Variants in COL27A1 observed in about 807,000 individuals in gnomAD.
COL27A1 encodes the protein collagen alpha-1(XXVII) chain.
Under a neutral mutation model 251.3 loss-of-function variants are expected in COL27A1, and 106 were observed. The ratio of observed to expected loss-of-function variants is 0.42; its 90% CI spans 0.36 to 0.50. COL27A1 has a LOEUF of 0.50. COL27A1 is among the 20% of genes least tolerant of loss of function. COL27A1 has a pLI of 0.00. For synonymous variants in COL27A1, 1,000 were observed against 986.3 expected (o/e 1.01, Z -0.26); for missense variants, 2,325 against 2,522.8 (o/e 0.92, Z 1.68).
At chr9:114,162,038 C>T (rs558661042) in intron 1 of COL27A1, among the ~76,000 whole-genome samples, 21 of 152,344 alleles carry the variant, frequency 1.4e-4, no homozygotes, top group African/African-American at 4.6e-4. Flanking sequence ...CGGGGTCATA[C>T]AGCTGATAAG....
intron 1 of COL27A1, among the ~76,000 whole-genome samples, chr9:114,158,532 T>A (rs543975487): frequency 6.6e-6 from 1 of 152,350 alleles, no homozygotes; most frequent in Non-Finnish European, 1.5e-5. Flanking sequence ...CTGGCCTCCC[T>A]GGCCTCTGTG....
chr9:114,166,274 C>CCATCCAT (rs374157243), intron 2 of COL27A1, among the ~76,000 whole-genome samples: 1,399 of 126,944 alleles, frequency 0.011, 19 homozygotes, highest in African/African-American at 0.025. Flanking sequence ...CATCCATCCA[C>CCATCCAT]CCATCCATCC....
At chr9:114,206,945 G>A (rs888393074) in intron 10 of COL27A1, among the ~76,000 whole-genome samples, 3 of 152,256 alleles carry the variant, frequency 2.0e-5, no homozygotes, top group African/African-American at 7.2e-5. Context: ...AGGGTTCTGG[G>A]TGGACCGAAT....
intron 5 of COL27A1, among the ~76,000 whole-genome samples, chr9:114,188,659 T>C (rs1828549095): frequency 6.6e-6 from 1 of 152,202 alleles, no homozygotes; most frequent in Non-Finnish European, 1.5e-5. Context: ...TATATACAAA[T>C]GATTTATAAT....
rs919174254 is a variant in COL27A1 at position 114,267,519 on chromosome 9, G to T, written c.3463G>T (p.Val1155Leu). 2 of 1,599,182 alleles carry T rather than the reference G, an allele frequency of 1.3e-6. No homozygotes were observed. Among genetic ancestry groups the T allele is most frequent in the Non-Finnish European group, 1.7e-6 (2 of 1,175,334 alleles). Residue 1155 changes from valine (V) to leucine (L), a missense_variant, in exon 34 of 61, where the codon GTG becomes TTG. This residue lies in a region of COL27A1 where 662 missense variants were observed against 795.3 expected (regional missense o/e 0.83). Coordinates refer to ENST00000356083, the MANE Select transcript of COL27A1 (RefSeq NM_032888.4). ...EMGPKGPPGA[V>L]GEPGLPGEAG... ...TTTCTTTCAGGGGCCGCCTGGTGCA[G>T]TGGGAGAACCGGGCCTTCCTGGGGA... is the stretch of plus-strand genomic sequence containing the variant.
intron 27 of COL27A1, among the ~76,000 whole-genome samples, chr9:114,253,955 C>T (rs758507218): frequency 2.0e-5 from 3 of 152,264 alleles, no homozygotes; most frequent in South Asian, 4.1e-4. Context: ...AAGAGATTCT[C>T]GTGCCTCAGC....
chr9:114,300,755 T>C, intron 51 of COL27A1, 68 bp downstream of exon 51: 1 of 1,318,134 alleles, frequency 7.6e-7, no homozygotes. Flanking sequence ...AGCCATCAGC[T>C]GGCCTGTCTT....
At chr9:114,176,769 CCTT>C (rs1344563166) in intron 3 of COL27A1, among the ~76,000 whole-genome samples, 1 of 152,210 alleles carries the variant, frequency 6.6e-6, no homozygotes, top group African/African-American at 2.4e-5. Context: ...AGACCCTCCT[CCTT>C]CTGCTCAGGG....
intron 41 of COL27A1, among the ~76,000 whole-genome samples, chr9:114,287,151 CCA>C (rs1254675928): frequency 6.6e-6 from 1 of 152,194 alleles, no homozygotes; most frequent in East Asian, 1.9e-4. Flanking sequence ...CAGCCTCCAC[CCA>C]CCAGAACCAC....
chr9:114,253,372 C>T (rs58922150), intron 27 of COL27A1, among the ~76,000 whole-genome samples: 3 of 136,912 alleles, frequency 2.2e-5, no homozygotes, highest in Admixed American at 7.9e-5. Context: ...GAAAGAAAGA[C>T]GAAAGAAAGA....
At chr9:114,228,582 C>T (rs1206285477) in intron 14 of COL27A1, among the ~76,000 whole-genome samples, 1 of 152,208 alleles carries the variant, frequency 6.6e-6, no homozygotes, top group African/African-American at 2.4e-5. Context: ...CCAGCGGTGC[C>T]CCGACTCCGT....
At chr9:114,223,375 G>T (rs1219301568) in intron 14 of COL27A1, among the ~76,000 whole-genome samples, 1 of 152,220 alleles carries the variant, frequency 6.6e-6, no homozygotes, top group Admixed American at 6.5e-5. Flanking sequence ...CCTGAGGGAG[G>T]CAGGGAACCC....
Position 114,278,627 on chromosome 9 carries a change from G to A in COL27A1, c.3717+2859G>A, listed in dbSNP as rs1027421698. Among the ~76,000 whole-genome samples the A allele has an allele frequency of 1.0e-4, 15 of 150,162 alleles. No individual in the cohort carries two copies. In the East Asian group the frequency reaches 2.9e-3, roughly 29 times the overall value. The stretch of plus-strand genomic sequence containing the variant: ...GTGATGATGATGATATGGTGGTATG[G>A]CGTAGGTAGTGGTGATGATGATGGT... On this transcript the variant is annotated intron_variant, in intron 37 of 60. Transcript: ENST00000356083.
intron 48 of COL27A1, among the ~76,000 whole-genome samples, chr9:114,291,419 C>T (rs746263625): frequency 2.6e-5 from 4 of 152,082 alleles, no homozygotes; most frequent in African/African-American, 4.8e-5. Context: ...GCGGAGGGAG[C>T]GATGGCCTTG....
chr9:114,202,793 A>G (rs1464479479), intron 7 of COL27A1, among the ~76,000 whole-genome samples: 1 of 151,722 alleles, frequency 6.6e-6, no homozygotes, highest in Non-Finnish European at 1.5e-5. Flanking sequence ...TGTTCATCCC[A>G]TTCATCTCCT....
chr9:114,294,247 CA>C (rs58536000), intron 49 of COL27A1, among the ~76,000 whole-genome samples: 5,394 of 84,282 alleles, frequency 0.064, 68 homozygotes, highest in Non-Finnish European at 0.084. Flanking sequence ...GACTCTGTCT[CA>C]AAAAAAAAAA....
chr9:114,243,451 C>T, intron 22 of COL27A1, 56 bp from the exon 23 acceptor site: 4 of 1,498,040 alleles, frequency 2.7e-6, no homozygotes, highest in Non-Finnish European at 2.8e-6. Context: ...AGCCCCTGGA[C>T]CCCAGCCATG....
chr9:114,194,297 TG>T, intron 5 of COL27A1, 106 bp from the exon 6 acceptor site: 1 of 1,035,240 alleles, frequency 9.7e-7, no homozygotes, highest in Non-Finnish European at 1.5e-6. Context: ...GGAGGATGGA[TG>T]GGAAGGCATT....
intron 16 of COL27A1, among the ~76,000 whole-genome samples, chr9:114,232,555 G>C (rs913784859): frequency 5.3e-5 from 8 of 152,222 alleles, no homozygotes; most frequent in Admixed American, 2.0e-4. Context: ...ACCCCCGAAG[G>C]GGGTGCAGGA....
Sources: gnomAD v4.1 joint callset for allele counts (sites outside exome capture counted in the v4.1 genomes callset) on GRCh38, gnomAD v4.1.1 for gene constraint, gnomAD v4.1.1 regional missense constraint, MANE v1.5 for transcripts, NCBI Gene and HGNC (gene_info 2026-07-23, HGNC 2026-07-21) for gene names.